The following RUBCN variants were observed in gnomAD, a reference collection of about 807,000 sequenced individuals.
The protein encoded by RUBCN is rubicon autophagy regulator.
Under a neutral mutation model 113.2 loss-of-function variants are expected in RUBCN, and 74 were observed. The ratio of observed to expected loss-of-function variants is 0.65; its 90% CI spans 0.54 to 0.79. The LOEUF (loss-of-function observed/expected upper bound fraction) is 0.79. RUBCN is among the 30% of genes least tolerant of loss of function. RUBCN has a pLI of 0.00. For missense variants in RUBCN, 1,109 were observed against 1,251.7 expected, an observed-to-expected ratio of 0.89 and a Z score of 1.72; for synonymous variants, 480 against 490.0, an observed-to-expected ratio of 0.98 and a Z score of 0.27.
At chr3:197,723,475 C>G (rs1726394456) in intron 1 of RUBCN, among the ~76,000 whole-genome samples, 1 of 152,126 alleles carries the variant, frequency 6.6e-6, no homozygotes, top group Admixed American at 6.6e-5. Context: ...TGTGAGCCAC[C>G]ATGCCAGGCC....
chr3:197,722,653 A>C (rs1726292669), intron 1 of RUBCN, among the ~76,000 whole-genome samples: 1 of 149,260 alleles, frequency 6.7e-6, no homozygotes, highest in Non-Finnish European at 1.5e-5. Context: ...TAATATATAA[A>C]CACACACACA....
chr3:197,674,866 G>A lies in RUBCN; in HGVS notation c.*152C>T, dbSNP rs537123535. ...TGCCGACGGCTGACTGCACACAGAC[G>A]TCAGACAAGTCAGTAAAAAAAAAAA... On this transcript the variant is annotated 3_prime_UTR_variant, in exon 20 of 20. Transcript: ENST00000296343. 3.2e-5 allele frequency: 20 copies of A among 623,788 alleles called. No homozygotes were observed. Among genetic ancestry groups the A allele is most frequent in the Admixed American group, 1.5e-4 (4 of 25,898 alleles). The allele number at this position is 623,788 out of a possible 1,614,324, so 38.6% of individuals were successfully genotyped here.
intron 1 of RUBCN, among the ~76,000 whole-genome samples, chr3:197,732,669 G>A (rs2109004753): frequency 6.6e-6 from 1 of 152,274 alleles, no homozygotes; most frequent in Admixed American, 6.5e-5. Context: ...GAAACGGAGG[G>A]AAAGTGAAGT....
chr3:197,695,893 G>C lies in RUBCN; in HGVS notation c.1446C>G (p.Asp482Glu). The change falls in exon 9 of 20, where the codon GAC becomes GAG. Residue 482 changes from aspartate (D) to glutamate (E), a missense_variant. Physicochemically the swap from Asp to Glu is conservative, Grantham distance 45. Coordinates refer to ENST00000296343, the MANE Select transcript of RUBCN (RefSeq NM_014687.4). ...TTTCCAGGTCGGCACAGCTGCCGAA[G>C]TCTTGCTCAGAGAGGTAGCTGATGA... is the stretch of plus-strand genomic sequence containing the variant. ...QSLISYLSEQ[D>E]FGSCADLEKE... 1 of 1,614,194 alleles carries C rather than the reference G, an allele frequency of 6.2e-7. No homozygotes were observed. Among genetic ancestry groups the C allele is most frequent in the Non-Finnish European group, 8.5e-7 (1 of 1,180,038 alleles).
At chr3:197,690,973 G>A (rs953136621) in intron 11 of RUBCN, 41 of 617,958 alleles carry the variant, frequency 6.6e-5, no homozygotes, top group Non-Finnish European at 9.5e-5. Flanking sequence ...TACAGTCCTC[G>A]TAACCTTGAC....
Position 197,718,020 on chromosome 3 carries a change from C to G in RUBCN, c.176G>C (p.Arg59Thr). Residue 59 changes from arginine (R) to threonine (T), a missense_variant, in exon 2 of 20, where the codon AGG becomes ACG. This residue lies in a region of RUBCN where 736 missense variants were observed against 779.6 expected (regional missense o/e 0.94). Coordinates refer to ENST00000296343, the MANE Select transcript of RUBCN (RefSeq NM_014687.4). ...SKYGGLERLC[R>T]DMQSILYHGL... is the part of the protein sequence containing the mutation. Reference sequence around the variant, plus strand: ...GTGATAGAGGATGCTCTGCATGTCCCTGCAAAGCCGCTCCAAGCCACCATA... The same window carrying G: ...GTGATAGAGGATGCTCTGCATGTCCGTGCAAAGCCGCTCCAAGCCACCATA... 1 of 1,614,180 alleles carries G rather than the reference C, an allele frequency of 6.2e-7. No homozygotes were observed. The highest frequency in any genetic ancestry group is 8.5e-7 in the Non-Finnish European group (1 of 1,180,036).
At chr3:197,739,252 A>G (rs183439347), upstream of RUBCN, among the ~76,000 whole-genome samples, 18,004 of 147,482 alleles carry the variant, frequency 0.12, 3,455 homozygotes, top group African/African-American at 0.41. Context: ...TTAGCCGGGC[A>G]TGGTGGCAGA....
At chr3:197,749,705 G>C (rs1030420456), upstream of RUBCN, 2 of 635,148 alleles carry the variant, frequency 3.1e-6, no homozygotes, top group Middle Eastern at 2.6e-4. Flanking sequence ...TGCTCACAAC[G>C]GCGGTCCTCG....
At chr3:197,704,420 G>A in intron 4 of RUBCN, 122 bp downstream of exon 4, 3 of 926,318 alleles carry the variant, frequency 3.2e-6, no homozygotes, top group South Asian at 1.3e-5. Context: ...GGTGACAAGA[G>A]CGTAAGTCCA....
chr3:197,718,208 C>T, intron 1 of RUBCN, 78 bp from the exon 2 acceptor site: 1 of 1,530,318 alleles, frequency 6.5e-7, no homozygotes, highest in Non-Finnish European at 9.1e-7. Context: ...AAAGTCTAAG[C>T]CGAGGAGCCT....
At chr3:197,703,302 G>A (rs1723888504) in intron 5 of RUBCN, among the ~76,000 whole-genome samples, 2 of 143,436 alleles carry the variant, frequency 1.4e-5, no homozygotes, top group Admixed American at 1.5e-4. Flanking sequence ...GGAGGCTGAG[G>A]CACAAGAATC....
intron 11 of RUBCN, among the ~76,000 whole-genome samples, chr3:197,689,398 A>C (rs954877404): frequency 9.9e-5 from 15 of 152,180 alleles, no homozygotes; most frequent in African/African-American, 3.6e-4. Flanking sequence ...TGTGTATAAA[A>C]ATTTTAAAGC....
intron 1 of RUBCN, among the ~76,000 whole-genome samples, chr3:197,749,039 A>T (rs1173542813): frequency 1.3e-5 from 2 of 152,256 alleles, no homozygotes; most frequent in Non-Finnish European, 2.9e-5. Context: ...TATGAGGGTG[A>T]TATAACCTAA....
In RUBCN at chr3:197,676,839, C is replaced by T. The variant is rs772231138; in HGVS notation, c.2646+46G>A. ...CCAGGTCCACCCCCCTCCCTGTATC[C>T]CTAAAAGCAAGGGCTCAGCTGCATG... is the stretch of plus-strand genomic sequence containing the variant. On this transcript the variant is annotated intron_variant, in intron 18 of 19. Coordinates refer to ENST00000296343, the MANE Select transcript of RUBCN (RefSeq NM_014687.4). 4 of 1,613,618 alleles carry T rather than the reference C, an allele frequency of 2.5e-6. No individual in the cohort carries two copies. In the Admixed American group the frequency reaches 5.0e-5, roughly 20 times the overall value.
Position 197,677,482 on chromosome 3 carries a change from C to T in RUBCN, c.2490G>A (p.Lys830=), listed in dbSNP as rs370902748. 14 of 1,613,896 alleles carry T rather than the reference C, an allele frequency of 8.7e-6. No individual in the cohort carries two copies. The African/African-American group carries it at 1.6e-4, about 18-fold the overall frequency. The change falls in exon 17 of 20, where the codon AAG becomes AAA. Residue 830 remains lysine, a splice_region_variant and synonymous_variant. Coordinates refer to ENST00000296343, the MANE Select transcript of RUBCN (RefSeq NM_014687.4). ...GCTCTAGCTCCAAAAGGACTTACTC[C>T]TTGGCCAGTCGGCAAGTCTTGAACA... ...KNMFKTCRLA[K]ELLDSFDTVP... is the part of the protein sequence containing the mutation.
chr3:197,695,728 C>T (rs934449767), intron 9 of RUBCN, 138 bp downstream of exon 9: 3 of 777,664 alleles, frequency 3.9e-6, no homozygotes, highest in African/African-American at 3.4e-5. Flanking sequence ...AGAAACAGAA[C>T]TTGCTGAGCT....
intron 16 of RUBCN, among the ~76,000 whole-genome samples, chr3:197,680,058 A>C (rs969943303): frequency 5.3e-5 from 8 of 150,448 alleles, no homozygotes; most frequent in Non-Finnish European, 1.2e-4. Context: ...AACTGGCTTC[A>C]GACTGTCCTA....
rs549201897 is a variant in RUBCN at position 197,681,655 on chromosome 3, C to T, written c.2191+180G>A. ...CACAGGATACAATCCTGGCCATGTG[C>T]TCCCAGAAATCATTTCCCTCCGATT... On this transcript the variant is annotated intron_variant, in intron 15 of 19. Transcript: ENST00000296343. The surrounding 1 kb of genome is among the most constrained non-coding windows in gnomAD (Gnocchi z 5.5). 3.3e-5 allele frequency among the ~76,000 whole-genome samples: 5 copies of T among 152,340 alleles called. No individual in the cohort carries two copies. The highest frequency in any genetic ancestry group is 1.2e-4 in the African/African-American group (5 of 41,562).
chr3:197,740,446 G>A (rs185141287), upstream of RUBCN, among the ~76,000 whole-genome samples: 1 of 151,268 alleles, frequency 6.6e-6, no homozygotes, highest in Non-Finnish European at 1.5e-5. Flanking sequence ...TCCATCCTGG[G>A]CAACAAGGCA....
Sources: gnomAD v4.1 joint callset for allele counts (sites outside exome capture counted in the v4.1 genomes callset) on GRCh38, gnomAD v4.1.1 for gene constraint, gnomAD v4.1.1 regional missense constraint, Gnocchi (gnomAD v3.1) non-coding constraint, MANE v1.5 for transcripts, NCBI Gene and HGNC (gene_info 2026-07-23, HGNC 2026-07-21) for gene names.